DNAI2: variants seen among roughly 807,000 people sequenced by gnomAD.
The protein encoded by DNAI2 is dynein, axonemal, intermediate polypeptide 2.
Under a neutral mutation model 74.7 loss-of-function variants are expected in DNAI2, and 63 were observed. That is an observed-to-expected ratio of 0.84 (90% CI 0.69 to 1.04). DNAI2 has a LOEUF of 1.04. Ranked by LOEUF, DNAI2 falls within the 50% of genes least tolerant of loss-of-function variation. The probability of loss-of-function intolerance (pLI) is 0.00; values close to 1 mark genes in which losing one functional copy is unlikely to be tolerated. For synonymous variants in DNAI2, 289 were observed against 314.9 expected (o/e 0.92, Z 0.87); for missense variants, 688 against 803.2 (o/e 0.86, Z 1.73).
chr17:74,283,674 C>T (rs969874167), intron 2 of DNAI2, among the ~76,000 whole-genome samples: 4 of 151,732 alleles, frequency 2.6e-5, no homozygotes, highest in Admixed American at 1.3e-4. Context: ...AAGGCAGAGG[C>T]GAGAGGATCA....
At chr17:74,285,381 C>T (rs1247543289) in intron 3 of DNAI2, among the ~76,000 whole-genome samples, 180 bp downstream of exon 3, 4 of 152,154 alleles carry the variant, frequency 2.6e-5, no homozygotes, top group Non-Finnish European at 5.9e-5. Flanking sequence ...GTCCCAATCA[C>T]AGACCAACAG....
intron 3 of DNAI2, among the ~76,000 whole-genome samples, chr17:74,286,658 C>T (rs1474896063): frequency 6.6e-6 from 1 of 152,186 alleles, no homozygotes; most frequent in Non-Finnish European, 1.5e-5. Context: ...CTCCTGACCT[C>T]AAGTGATCCA....
chr17:74,293,112 C>T (rs999722666), intron 6 of DNAI2, among the ~76,000 whole-genome samples: 13 of 152,148 alleles, frequency 8.5e-5, no homozygotes, highest in Admixed American at 3.3e-4. Flanking sequence ...GGATAACAGG[C>T]GTGAGCCACC....
chr17:74,293,759 G>C (rs535232391), intron 6 of DNAI2, among the ~76,000 whole-genome samples: 2 of 150,198 alleles, frequency 1.3e-5, no homozygotes, highest in Non-Finnish European at 3.0e-5. Flanking sequence ...ATTACATGTA[G>C]CTGGCATACA....
intron 6 of DNAI2, among the ~76,000 whole-genome samples, chr17:74,298,587 G>T (rs1321307109): frequency 1.3e-5 from 2 of 152,136 alleles, no homozygotes; most frequent in Non-Finnish European, 2.9e-5. Context: ...GATTACAGGT[G>T]TGAGCCACCA....
chr17:74,282,082 G>A (rs956600182), intron 2 of DNAI2, 82 bp downstream of exon 2: 3 of 1,535,184 alleles, frequency 2.0e-6, no homozygotes, highest in African/African-American at 2.7e-5. Context: ...TGGTTCTGTG[G>A]GTCCTTGTCC....
intron 6 of DNAI2, among the ~76,000 whole-genome samples, chr17:74,295,726 GT>G (rs1300215329): frequency 2.0e-5 from 3 of 152,108 alleles, no homozygotes; most frequent in African/African-American, 7.2e-5. Context: ...ACCTCCCAGA[GT>G]TTGTGTTGTT....
chr17:74,309,299 CCG>C lies in DNAI2; in HGVS notation c.1259_1260del (p.Pro420HisfsTer32). On this transcript the variant is annotated frameshift_variant, in exon 10 of 14. Coordinates refer to ENST00000311014, the MANE Select transcript of DNAI2 (RefSeq NM_023036.6). LOFTEE classifies it high-confidence loss of function. Reference protein sequence around the residue: ...LTDAAWSPVRPTVFFTTRMDG... With the variant: ...LTDAAWSPVRXTVFFTTRMDG... ...TGATGCTGCCTGGAGCCCCGTGAGG[CCG>C]ACCGTTTTCTTTACCACCAGGATGG... is the stretch of plus-strand genomic sequence containing the variant. The C allele has an allele frequency of 4.3e-6, 7 of 1,614,142 alleles. No individual in the cohort carries two copies. The highest frequency in any genetic ancestry group is 5.9e-6 in the Non-Finnish European group (7 of 1,180,034).
At chr17:74,290,071 T>C (rs756331566) in intron 5 of DNAI2, among the ~76,000 whole-genome samples, 4 of 152,116 alleles carry the variant, frequency 2.6e-5, no homozygotes, top group Non-Finnish European at 5.9e-5. Flanking sequence ...ATCCCAGCAC[T>C]TTGGGAGGCC....
intron 6 of DNAI2, among the ~76,000 whole-genome samples, chr17:74,299,269 GA>G (rs1200265959): frequency 6.6e-6 from 1 of 152,200 alleles, no homozygotes; most frequent in African/African-American, 2.4e-5. Context: ...ATGTAGCAGA[GA>G]GATTCACCTA....
chr17:74,281,681 C>T (rs1431452973), intron 1 of DNAI2, 126 bp from the exon 2 acceptor site: 1 of 858,666 alleles, frequency 1.2e-6, no homozygotes, highest in South Asian at 1.5e-5. Context: ...TTCCTAGGAT[C>T]TCCCCACCAC....
chr17:74,288,670 G>A (rs2051899377), intron 4 of DNAI2, among the ~76,000 whole-genome samples: 1 of 152,210 alleles, frequency 6.6e-6, no homozygotes, highest in Admixed American at 6.5e-5. Flanking sequence ...AGGAAGGAGA[G>A]CTTGGGAACA....
chr17:74,304,522 G>A (rs1042318006), intron 8 of DNAI2, among the ~76,000 whole-genome samples: 5 of 152,182 alleles, frequency 3.3e-5, no homozygotes, highest in Admixed American at 3.3e-4. Context: ...GATGGAGGGG[G>A]TCATGCTCAG....
chr17:74,293,312 T>C (rs2052238975), intron 6 of DNAI2, among the ~76,000 whole-genome samples: 2 of 152,234 alleles, frequency 1.3e-5, no homozygotes, highest in Non-Finnish European at 2.9e-5. Flanking sequence ...CAGGTTTTGC[T>C]TCCTGTATGT....
In DNAI2 at chr17:74,302,065, AGG is replaced by A. The variant is rs1491055275; in HGVS notation, c.987+898_987+899del. On this transcript the variant is annotated intron_variant, in intron 8 of 13. Transcript: ENST00000311014. The stretch of plus-strand genomic sequence containing the variant: ...AAGGAAGGAAGGAAGGAAGGAAGGA[AGG>A]AAAGAAGGAAGGAAGGAAGGAAGGA... Among the ~76,000 whole-genome samples the A allele has an allele frequency of 3.1e-3, 214 of 68,690 alleles. 43 individuals are homozygous for A. The highest frequency in any genetic ancestry group is 4.6e-3 in the South Asian group (8 of 1,730). 45.1% of individuals were successfully genotyped at this position (68,690 alleles called of 152,430 possible).
chr17:74,297,430 A>G (rs1225008161), intron 6 of DNAI2, among the ~76,000 whole-genome samples: 3 of 139,618 alleles, frequency 2.1e-5, no homozygotes, highest in Non-Finnish European at 4.6e-5. Flanking sequence ...TTGCTCTGTC[A>G]CCCAGGCTGG....
chr17:74,277,281 A>C lies in DNAI2; in HGVS notation c.-12+2936A>C, dbSNP rs1202919176. On this transcript the variant is annotated intron_variant, in intron 1 of 13. Coordinates refer to ENST00000311014, the MANE Select transcript of DNAI2 (RefSeq NM_023036.6). ...ATGTGCCTGTAATCCCAGCTACGGGAGGCTGAGGCAGGAGAATCGCTTGCA... is the reference window on the plus strand; with the variant it reads ...ATGTGCCTGTAATCCCAGCTACGGGCGGCTGAGGCAGGAGAATCGCTTGCA... Among the ~76,000 whole-genome samples the C allele has an allele frequency of 2.6e-5, 4 of 151,076 alleles. No homozygotes were observed. In the East Asian group the frequency reaches 5.9e-4, roughly 22 times the overall value.
chr17:74,309,658 A>G (rs2144109336), intron 10 of DNAI2: 1 of 681,176 alleles, frequency 1.5e-6, no homozygotes, highest in Non-Finnish European at 2.7e-6. Flanking sequence ...GGTACCCGGC[A>G]TCTCCTACCC....
chr17:74,289,462 G>A, intron 4 of DNAI2, 132 bp from the exon 5 acceptor site: 2 of 1,147,834 alleles, frequency 1.7e-6, no homozygotes, highest in Non-Finnish European at 2.5e-6. Flanking sequence ...AGGAGGCAGA[G>A]GTTGCAGTGA....
Sources: allele counts gnomAD v4.1 joint callset (sites outside exome capture counted in the v4.1 genomes callset), GRCh38; gene constraint gnomAD v4.1.1; transcripts MANE v1.5; gene names NCBI Gene and HGNC (gene_info 2026-07-23, HGNC 2026-07-21).